TENM4: variants seen among roughly 807,000 people sequenced by gnomAD.
TENM4 encodes the protein teneurin transmembrane protein 4, also known as teneurin-4.
In TENM4, 82 loss-of-function variants were observed where a neutral mutation model predicts 243.3. That is an observed-to-expected ratio of 0.34 (90% CI 0.28 to 0.40). TENM4 has a LOEUF of 0.40. Ranked by LOEUF, TENM4 falls within the 10% of genes least tolerant of loss-of-function variation. The pLI, the probability that TENM4 is intolerant of heterozygous loss-of-function variation, is 1.00. For synonymous variants in TENM4, 1,412 were observed against 1,456.3 expected (o/e 0.97, Z 0.69); for missense variants, 3,138 against 3,673.3 (o/e 0.85, Z 3.77).
chr11:79,040,251 A>G (rs972013267), intron 6 of TENM4, among the ~76,000 whole-genome samples: 1 of 152,220 alleles, frequency 6.6e-6, no homozygotes, highest in Non-Finnish European at 1.5e-5. Context: ...TTGACCTAAA[A>G]GAGTTGTGTG....
intron 4 of TENM4, among the ~76,000 whole-genome samples, chr11:79,142,911 G>A (rs1394980575): frequency 6.6e-6 from 1 of 151,842 alleles, no homozygotes; most frequent in Non-Finnish European, 1.5e-5. Flanking sequence ...AAATGGTGCT[G>A]GGACATGAAA....
chr11:78,942,823 A>G (rs1856931093), intron 6 of TENM4, among the ~76,000 whole-genome samples: 1 of 151,982 alleles, frequency 6.6e-6, no homozygotes, highest in Non-Finnish European at 1.5e-5. Flanking sequence ...CAAAAAAAAA[A>G]AAAAAAAGGC....
intron 23 of TENM4, 38 bp downstream of exon 23, chr11:78,726,040 AC>A (rs1037051884): frequency 6.2e-7 from 1 of 1,610,902 alleles, no homozygotes; most frequent in Non-Finnish European, 8.5e-7. Context: ...ACAAGGTTCC[AC>A]CCCAGCCTGG....
intron 4 of TENM4, among the ~76,000 whole-genome samples, chr11:79,091,609 T>C (rs1860951960): frequency 1.3e-5 from 2 of 152,094 alleles, no homozygotes; most frequent in Admixed American, 1.3e-4. Flanking sequence ...AGCATTACTA[T>C]GCTTGTTAAA....
chr11:78,863,682 T>G (rs190571762), intron 9 of TENM4, among the ~76,000 whole-genome samples: 1 of 152,318 alleles, frequency 6.6e-6, no homozygotes, highest in East Asian at 1.9e-4. Context: ...AGGTTGAAAA[T>G]ACACTATATT....
intron 10 of TENM4, among the ~76,000 whole-genome samples, chr11:78,860,259 T>G (rs1440674267): frequency 6.6e-6 from 1 of 152,188 alleles, no homozygotes; most frequent in Non-Finnish European, 1.5e-5. Context: ...GAACAAATAT[T>G]TGTTGAGTGC....
chr11:78,820,074 T>A (rs1857694381), intron 12 of TENM4, among the ~76,000 whole-genome samples: 1 of 152,216 alleles, frequency 6.6e-6, no homozygotes, highest in Admixed American at 6.5e-5. Flanking sequence ...AGGGCTGGAT[T>A]TATTATTAGC....
At chr11:78,735,573 G>C (rs886980828) in intron 20 of TENM4, among the ~76,000 whole-genome samples, 4 of 152,242 alleles carry the variant, frequency 2.6e-5, no homozygotes, top group South Asian at 4.1e-4. Flanking sequence ...CGCTCCTCTG[G>C]AGGGGAAACC....
rs149581313 is a variant in TENM4 at position 79,233,697 on chromosome 11, C to A, written c.-264-17788G>T. Among the ~76,000 whole-genome samples, 641 of 152,212 alleles carry A rather than the reference C, an allele frequency of 4.2e-3. 8 individuals carry two copies. The highest frequency in any genetic ancestry group is 0.023 in the South Asian group (111 of 4,812). The stretch of plus-strand genomic sequence containing the variant: ...GATCGCCAGTTGGGGTAGAAGCAGG[C>A]CTGTGGGCCAGTAGAGCCCTGGTAT... On this transcript the variant is annotated intron_variant, in intron 2 of 33. Transcript: ENST00000278550.
Position 78,889,768 on chromosome 11 carries a change from G to C in TENM4, c.1084+17C>G, listed in dbSNP as rs760459037. 1 of 1,550,884 alleles carries C rather than the reference G, an allele frequency of 6.4e-7. No homozygotes were observed. Among genetic ancestry groups the C allele is most frequent in the South Asian group, 1.2e-5 (1 of 84,020 alleles). On this transcript the variant is annotated intron_variant, in intron 9 of 33. Transcript: ENST00000278550. ...GCCAAAGAGGAGCAAGGGGAGCTGG[G>C]GTGAAGAGGTGCTTACCCACAAAGT...
chr11:79,074,074 C>T (rs528949883), intron 4 of TENM4, among the ~76,000 whole-genome samples: 1 of 152,340 alleles, frequency 6.6e-6, no homozygotes, highest in South Asian at 2.1e-4. Flanking sequence ...AGAACATACA[C>T]ACCTAACGCA....
At chr11:78,924,216 G>C (rs568929452) in intron 6 of TENM4, among the ~76,000 whole-genome samples, 1 of 152,300 alleles carries the variant, frequency 6.6e-6, no homozygotes, top group South Asian at 2.1e-4. Flanking sequence ...CAGTGAACAA[G>C]CACATGGTCC....
At chr11:79,147,925 A>G (rs1440283304) in intron 4 of TENM4, among the ~76,000 whole-genome samples, 2 of 151,996 alleles carry the variant, frequency 1.3e-5, no homozygotes, top group Non-Finnish European at 2.9e-5. Flanking sequence ...CAACTTCTTT[A>G]CTCTGAGTCA....
At chr11:78,862,860 G>A (rs1318765338) in intron 10 of TENM4, 102 bp downstream of exon 10, 6 of 1,203,452 alleles carry the variant, frequency 5.0e-6, no homozygotes, top group Non-Finnish European at 5.4e-6. Flanking sequence ...GCCAGAGCAT[G>A]GAGCTGTGAG....
At chr11:79,164,047 A>AGT (rs1565230703) in intron 3 of TENM4, among the ~76,000 whole-genome samples, 7 of 39,056 alleles carry the variant, frequency 1.8e-4, no homozygotes, top group African/African-American at 5.8e-4. Flanking sequence ...TATACACTAT[A>AGT]AATACTATGT....
intron 6 of TENM4, among the ~76,000 whole-genome samples, chr11:78,911,277 T>C (rs893334212): frequency 6.6e-6 from 1 of 152,178 alleles, no homozygotes; most frequent in Non-Finnish European, 1.5e-5. Flanking sequence ...CCAGGGGATA[T>C]GTACTCCAGT....
chr11:78,696,638 G>C (rs1483466706), intron 28 of TENM4, among the ~76,000 whole-genome samples: 1 of 152,156 alleles, frequency 6.6e-6, no homozygotes, highest in East Asian at 1.9e-4. Flanking sequence ...CCTGTGTTTA[G>C]GATGTGAAAC....
At chr11:78,706,294 C>T (rs955894965) in intron 27 of TENM4, among the ~76,000 whole-genome samples, 3 of 152,212 alleles carry the variant, frequency 2.0e-5, no homozygotes, top group Non-Finnish European at 4.4e-5. Flanking sequence ...GTTGCAACAA[C>T]TTCCTTCTGT....
chr11:79,053,305 C>A (rs1183554843), intron 6 of TENM4, among the ~76,000 whole-genome samples: 1 of 152,146 alleles, frequency 6.6e-6, no homozygotes, highest in Non-Finnish European at 1.5e-5. Context: ...GCTAGTAATT[C>A]AAAGCTAAAG....
Sources: allele counts gnomAD v4.1 joint callset (sites outside exome capture counted in the v4.1 genomes callset), GRCh38; gene constraint gnomAD v4.1.1; transcripts MANE v1.5; gene names NCBI Gene and HGNC (gene_info 2026-07-23, HGNC 2026-07-21).